Variants in IGF2BP3 observed in about 807,000 individuals in gnomAD.
IGF2BP3 encodes insulin-like growth factor 2 mRNA-binding protein 3.
Under a neutral mutation model 73.8 loss-of-function variants are expected in IGF2BP3, and 9 were observed. That is an observed-to-expected ratio of 0.12 (90% confidence interval 0.07 to 0.21). The LOEUF (loss-of-function observed/expected upper bound fraction) is 0.21, where lower values mean the gene tolerates loss of function less well. Among genes scored for constraint, IGF2BP3 ranks in the 10% least tolerant of loss-of-function variants. IGF2BP3 has a pLI of 1.00. For synonymous variants in IGF2BP3, 258 were observed against 256.7 expected, an observed-to-expected ratio of 1.01 and a Z score of -0.05; for missense variants, 542 against 714.0, an observed-to-expected ratio of 0.76 and a Z score of 2.75.
At chr7:23,368,569 G>T (rs1785454212) in intron 3 of IGF2BP3, among the ~76,000 whole-genome samples, 1 of 151,984 alleles carries the variant, frequency 6.6e-6, no homozygotes, top group Non-Finnish European at 1.5e-5. Flanking sequence ...GGTGATGAAG[G>T]TGTCCTAAAA....
intron 2 of IGF2BP3, among the ~76,000 whole-genome samples, chr7:23,425,817 A>G (rs1787491832): frequency 6.6e-6 from 1 of 151,988 alleles, no homozygotes; most frequent in Non-Finnish European, 1.5e-5. Flanking sequence ...TGACTTTTTT[A>G]GCCTGGCATA....
At chr7:23,412,754 T>C (rs1787064113) in intron 3 of IGF2BP3, among the ~76,000 whole-genome samples, 1 of 151,858 alleles carries the variant, frequency 6.6e-6, no homozygotes, top group African/African-American at 2.4e-5. Context: ...TGAGTACTTA[T>C]TAGGAGTTTT....
chr7:23,363,118 C>T (rs1479047321), intron 3 of IGF2BP3, among the ~76,000 whole-genome samples: 1 of 152,152 alleles, frequency 6.6e-6, no homozygotes, highest in Non-Finnish European at 1.5e-5. Flanking sequence ...AAATAGAAAA[C>T]AAATTTTATG....
chr7:23,408,360 C>G (rs1786912979), intron 3 of IGF2BP3, among the ~76,000 whole-genome samples: 1 of 151,998 alleles, frequency 6.6e-6, no homozygotes, highest in South Asian at 2.1e-4. Context: ...ACTTTCAGAA[C>G]TAGTAAGTTT....
At chr7:23,464,057 G>C (rs1389693581) in intron 2 of IGF2BP3, among the ~76,000 whole-genome samples, 1 of 152,156 alleles carries the variant, frequency 6.6e-6, no homozygotes, top group East Asian at 1.9e-4. Context: ...ACTGCTATTC[G>C]TACCTGTGTT....
intron 7 of IGF2BP3, among the ~76,000 whole-genome samples, chr7:23,346,537 T>C (rs1263265670): frequency 6.6e-6 from 1 of 152,122 alleles, no homozygotes; most frequent in Non-Finnish European, 1.5e-5. Context: ...CAGTCATATA[T>C]ATATAAAACT....
intron 2 of IGF2BP3, among the ~76,000 whole-genome samples, chr7:23,463,717 T>C (rs1788501013): frequency 6.6e-6 from 1 of 152,226 alleles, no homozygotes; most frequent in Non-Finnish European, 1.5e-5. Context: ...TCCTCAGAGT[T>C]ACTGTGGACA....
Position 23,343,859 on chromosome 7 carries a change from G to T in IGF2BP3, c.942-6C>A, listed in dbSNP as rs887098748. ...ACAGCGTCAATTCCTGCAATCTGCA[G>T]AATGAAAAAGAAGGGAAAGAAAAAG... On this transcript the variant is annotated splice_polypyrimidine_tract_variant and splice_region_variant and intron_variant, in intron 8 of 14. Transcript: ENST00000258729. The T allele has an allele frequency of 6.9e-6, 11 of 1,605,812 alleles. No individual in the cohort carries two copies. Among genetic ancestry groups the T allele is most frequent in the Non-Finnish European group, 9.3e-6 (11 of 1,177,778 alleles).
rs182910962 is a variant in IGF2BP3 at position 23,316,408 on chromosome 7, A to G, written c.1395+1231T>C. Among the ~76,000 whole-genome samples, 926 of 152,284 alleles carry G rather than the reference A, an allele frequency of 6.1e-3. 8 individuals carry two copies. The highest frequency in any genetic ancestry group is 0.021 in the African/African-American group (879 of 41,566). ...AAAAAACTAAGGCTTGGCCAGGAGC[A>G]CAGTGGCTGATGCCTGTAATCCCAG... On this transcript the variant is annotated intron_variant, in intron 12 of 14. Coordinates refer to ENST00000258729, the MANE Select transcript of IGF2BP3 (RefSeq NM_006547.3).
intron 2 of IGF2BP3, among the ~76,000 whole-genome samples, chr7:23,435,987 C>T (rs1787800583): frequency 6.6e-6 from 1 of 150,976 alleles, no homozygotes; most frequent in Non-Finnish European, 1.5e-5. Context: ...GAATTCCTGA[C>T]CGCAAGTGAT....
chr7:23,424,755 A>G lies in IGF2BP3; in HGVS notation c.237-5931T>C, dbSNP rs555880437. Among the ~76,000 whole-genome samples, 7 of 152,264 alleles carry G rather than the reference A, an allele frequency of 4.6e-5. No homozygotes were observed. In the South Asian group the frequency reaches 1.5e-3, roughly 32 times the overall value. ...TATCTACAAAAAAATCAAAATTAAA[A>G]TTAATTTTTAAGAGCCAATAGAGCA... On this transcript the variant is annotated intron_variant, in intron 2 of 14. Transcript: ENST00000258729.
At chr7:23,354,293 T>C (rs963645647) in intron 5 of IGF2BP3, among the ~76,000 whole-genome samples, 5 of 152,164 alleles carry the variant, frequency 3.3e-5, no homozygotes, top group African/African-American at 1.2e-4. Context: ...ACACCTGACC[T>C]TAAATGTTTT....
intron 3 of IGF2BP3, among the ~76,000 whole-genome samples, chr7:23,402,027 G>C (rs1222287274): frequency 2.6e-5 from 4 of 151,604 alleles, no homozygotes; most frequent in Non-Finnish European, 5.9e-5. Flanking sequence ...TGAGGCATGA[G>C]AATCACTTGA....
intron 2 of IGF2BP3, among the ~76,000 whole-genome samples, chr7:23,464,701 TAAAAATAAAAATAA>T (rs1788525055): frequency 7.4e-6 from 1 of 134,604 alleles, no homozygotes; most frequent in African/African-American, 3.4e-5. Context: ...AATAAATAAA[TAAAAATAAAAATAA>T]AAATAAAAAT....
At chr7:23,453,875 G>A (rs1271420848) in intron 2 of IGF2BP3, among the ~76,000 whole-genome samples, 2 of 152,138 alleles carry the variant, frequency 1.3e-5, no homozygotes, top group South Asian at 4.1e-4. Context: ...CTTTGAAATA[G>A]GATCTCACTC....
chr7:23,420,893 A>G (rs2128536580), intron 2 of IGF2BP3, among the ~76,000 whole-genome samples: 1 of 152,354 alleles, frequency 6.6e-6, no homozygotes, highest in Non-Finnish European at 1.5e-5. Flanking sequence ...TATAGCTAGT[A>G]CAAGTTTACA....
At chr7:23,319,438 T>C (rs1202349885) in intron 10 of IGF2BP3, among the ~76,000 whole-genome samples, 184 bp from the exon 11 acceptor site, 1 of 152,214 alleles carries the variant, frequency 6.6e-6, no homozygotes, top group Non-Finnish European at 1.5e-5. Context: ...ACAGTCATCC[T>C]GAAAACAGTG....
chr7:23,312,624 A>G, intron 14 of IGF2BP3, 111 bp downstream of exon 14: 1 of 926,716 alleles, frequency 1.1e-6, no homozygotes, highest in African/African-American at 1.7e-5. Flanking sequence ...AAGGGAGATG[A>G]AAAGTCTTAA....
intron 3 of IGF2BP3, among the ~76,000 whole-genome samples, chr7:23,400,101 G>A (rs1786611103): frequency 6.6e-6 from 1 of 152,174 alleles, no homozygotes; most frequent in Admixed American, 6.5e-5. Context: ...CACAGGAGCT[G>A]AGCAACTAAA....
Sources: gnomAD v4.1 joint callset for allele counts (sites outside exome capture counted in the v4.1 genomes callset) on GRCh38, gnomAD v4.1.1 for gene constraint, MANE v1.5 for transcripts, NCBI Gene and HGNC (gene_info 2026-07-23, HGNC 2026-07-21) for gene names.